OLA1: variants seen among roughly 807,000 people sequenced by gnomAD.
OLA1 encodes the protein obg-like ATPase 1.
A neutral mutation model predicts 48.4 loss-of-function variants in OLA1; 14 were observed. That is an observed-to-expected ratio of 0.29 (90% CI 0.19 to 0.45). The LOEUF (loss-of-function observed/expected upper bound fraction) is 0.45, where lower values mean the gene tolerates loss of function less well. Among genes scored for constraint, OLA1 ranks in the 20% least tolerant of loss-of-function variants. OLA1 has a pLI of 1.00. For synonymous variants in OLA1, 127 were observed against 150.4 expected, an observed-to-expected ratio of 0.84 and a Z score of 1.14; for missense variants, 325 against 467.1, an observed-to-expected ratio of 0.70 and a Z score of 2.80.
chr2:174,214,711 G>A (rs187207401), intron 4 of OLA1, among the ~76,000 whole-genome samples: 23 of 152,188 alleles, frequency 1.5e-4, no homozygotes, highest in Admixed American at 9.2e-4. Flanking sequence ...AGCTCTGCCC[G>A]TTAGTTCAAA....
At chr2:174,144,941 AAAAAAAAAAAATATATATATATAT>A (rs1227043372) in intron 4 of OLA1, among the ~76,000 whole-genome samples, 9 of 64,314 alleles carry the variant, frequency 1.4e-4, no homozygotes, top group Non-Finnish European at 2.8e-4. Context: ...AAAAAAAAAA[AAAAAAAAAAAATATATATATATAT>A]ATATATATAT....
intron 7 of OLA1, among the ~76,000 whole-genome samples, chr2:174,089,456 T>A (rs1685057041): frequency 6.6e-6 from 1 of 152,112 alleles, no homozygotes; most frequent in Admixed American, 6.5e-5. Flanking sequence ...GATAGGAAAA[T>A]TCCTGCTTAT....
intron 5 of OLA1, among the ~76,000 whole-genome samples, chr2:174,136,938 G>C (rs984498130): frequency 2.0e-5 from 3 of 152,098 alleles, no homozygotes; most frequent in Non-Finnish European, 4.4e-5. Flanking sequence ...GCCTCCCAAA[G>C]TGCTGGGATT....
chr2:174,127,974 C>T lies in OLA1; in HGVS notation c.550-4299G>A, dbSNP rs1003656343. Reference sequence around the variant, plus strand: ...CATTATTCTAAAAGAACTACTTGCTCGAGGGTAAAAAAATGTTTAGGGAGA... The same window carrying T: ...CATTATTCTAAAAGAACTACTTGCTTGAGGGTAAAAAAATGTTTAGGGAGA... On this transcript the variant is annotated intron_variant, in intron 5 of 10. Coordinates refer to ENST00000284719, the MANE Select transcript of OLA1 (RefSeq NM_013341.5). Among the ~76,000 whole-genome samples, 19 of 151,134 alleles carry T rather than the reference C, an allele frequency of 1.3e-4. 1 individual carries two copies. Among genetic ancestry groups the T allele is most frequent in the African/African-American group, 3.2e-4 (13 of 40,980 alleles).
At chr2:174,181,193 A>T (rs536844462) in intron 4 of OLA1, among the ~76,000 whole-genome samples, 1 of 152,366 alleles carries the variant, frequency 6.6e-6, no homozygotes, top group East Asian at 1.9e-4. Flanking sequence ...ATCTGGCAAC[A>T]TAGAGGTCAC....
Position 174,182,256 on chromosome 2 carries a change from G to A in OLA1, c.374-40256C>T, listed in dbSNP as rs572303979. Among the ~76,000 whole-genome samples, 4 of 152,292 alleles carry A rather than the reference G, an allele frequency of 2.6e-5. No individual in the cohort carries two copies. The East Asian group carries it at 7.7e-4, about 29-fold the overall frequency. On this transcript the variant is annotated intron_variant, in intron 4 of 10. Transcript: ENST00000284719. The stretch of plus-strand genomic sequence containing the variant: ...AAAATCTCTTTCGGCCGGGCGCGGT[G>A]GCTCACGCCTGTAATCCCAGCACTT...
intron 5 of OLA1, among the ~76,000 whole-genome samples, chr2:174,131,793 G>A (rs941287957): frequency 1.3e-4 from 19 of 151,964 alleles, no homozygotes; most frequent in Non-Finnish European, 2.8e-4. Flanking sequence ...GGAATTCTTT[G>A]TTAGATGCTG....
At chr2:174,086,248 G>C (rs558368824) in intron 7 of OLA1, among the ~76,000 whole-genome samples, 1 of 152,288 alleles carries the variant, frequency 6.6e-6, no homozygotes, top group East Asian at 1.9e-4. Context: ...TGGAAGCAGG[G>C]AGGGGTATTT....
chr2:174,215,298 G>T (rs1574556716), intron 4 of OLA1, among the ~76,000 whole-genome samples: 1 of 152,040 alleles, frequency 6.6e-6, no homozygotes, highest in African/African-American at 2.4e-5. Context: ...GTTACTGTAT[G>T]ACAATTTGTA....
At position 174,095,346 on chromosome 2, in the gene OLA1, T is replaced by TG; in HGVS notation, c.729-13283_729-13282insC. On this transcript the variant is annotated intron_variant, in intron 7 of 10. Transcript: ENST00000284719. ...TCCTGTTTTTTTTTTTTTTTTTTTT[T>TG]TTTGTTGTTGTTGTTGTTTTTATAG... 2.4e-4 allele frequency among the ~76,000 whole-genome samples: 29 copies of TG among 121,216 alleles called. No individual in the cohort carries two copies. In the South Asian group the frequency reaches 2.9e-3, roughly 12 times the overall value. The allele number at this position is 121,216 out of a possible 152,430, so 79.5% of individuals were successfully genotyped here.
At chr2:174,144,292 C>T (rs1686527442) in intron 4 of OLA1, among the ~76,000 whole-genome samples, 1 of 152,056 alleles carries the variant, frequency 6.6e-6, no homozygotes, top group South Asian at 2.1e-4. Flanking sequence ...GGCACTGTTG[C>T]TCCCTGCCCC....
chr2:174,172,828 G>T (rs555922964), intron 4 of OLA1: 1 of 152,486 alleles, frequency 6.6e-6, no homozygotes, highest in East Asian at 1.9e-4. Context: ...GGACATGCTT[G>T]GGTCATGGTG....
intron 4 of OLA1, among the ~76,000 whole-genome samples, chr2:174,183,689 A>G (rs867862547): frequency 6.6e-6 from 1 of 152,236 alleles, no homozygotes; most frequent in South Asian, 2.1e-4. Context: ...GAAAGTGTTA[A>G]GCAAGTCAAA....
chr2:174,244,947 T>C (rs1344582998), intron 2 of OLA1, among the ~76,000 whole-genome samples: 3 of 152,118 alleles, frequency 2.0e-5, no homozygotes, highest in Non-Finnish European at 2.9e-5. Context: ...TTTAAAAAAA[T>C]ATTTTTGATT....
chr2:174,163,769 TATATATAA>T lies in OLA1; in HGVS notation c.374-21777_374-21770del, dbSNP rs1353781910. ...ATATATATATATATATATATATATA[TATATATAA>T]ATAAATGTTTGGGTGCCTGCTTAGA... On this transcript the variant is annotated intron_variant, in intron 4 of 10. Transcript: ENST00000284719. Among the ~76,000 whole-genome samples, 34 of 28,562 alleles carry T rather than the reference TATATATAA, an allele frequency of 1.2e-3. 1 individual carries two copies. In the East Asian group the frequency reaches 0.025, roughly 21 times the overall value. 18.7% of individuals were successfully genotyped at this position (28,562 alleles called of 152,430 possible). A position where few individuals can be genotyped will look rare whatever the true frequency, so the allele number is the denominator to read the frequency against.
chr2:174,089,448 T>C (rs981925613), intron 7 of OLA1, among the ~76,000 whole-genome samples: 7 of 152,170 alleles, frequency 4.6e-5, no homozygotes, highest in Non-Finnish European at 8.8e-5. Flanking sequence ...ACAGTAAGGA[T>C]AGGAAAATTC....
intron 5 of OLA1, among the ~76,000 whole-genome samples, chr2:174,140,692 G>T (rs1025707150): frequency 6.6e-6 from 1 of 151,980 alleles, no homozygotes; most frequent in Non-Finnish European, 1.5e-5. Flanking sequence ...TCTAGTACAT[G>T]GTGATGGCTT....
chr2:174,163,755 TATATATATATATATA>T lies in OLA1; in HGVS notation c.374-21770_374-21756del, dbSNP rs1178834993. Among the ~76,000 whole-genome samples, 145 of 41,256 alleles carry T rather than the reference TATATATATATATATA, an allele frequency of 3.5e-3. 17 individuals are homozygous for T. Among genetic ancestry groups the T allele is most frequent in the Middle Eastern group, 0.014 (1 of 74 alleles). 27.1% of individuals were successfully genotyped at this position (41,256 alleles called of 152,430 possible). On this transcript the variant is annotated intron_variant, in intron 4 of 10. Coordinates refer to ENST00000284719, the MANE Select transcript of OLA1 (RefSeq NM_013341.5). ...ATATATATATATATATATATATATA[TATATATATATATATA>T]TATATAAATAAATGTTTGGGTGCCT...
At chr2:174,121,487 C>T (rs1209804469) in intron 7 of OLA1, among the ~76,000 whole-genome samples, 4 of 152,114 alleles carry the variant, frequency 2.6e-5, no homozygotes, top group Admixed American at 1.3e-4. Flanking sequence ...TACAATTACA[C>T]TAACTTCCAC....
Sources: allele counts gnomAD v4.1 joint callset (sites outside exome capture counted in the v4.1 genomes callset), GRCh38; gene constraint gnomAD v4.1.1; transcripts MANE v1.5; gene names NCBI Gene and HGNC (gene_info 2026-07-23, HGNC 2026-07-21).